Variants in KLRG2 observed in about 807,000 individuals in gnomAD.
The protein encoded by KLRG2 is killer cell lectin-like receptor subfamily G member 2.
A neutral mutation model predicts 35.4 loss-of-function variants in KLRG2; 39 were observed. That is an observed-to-expected ratio of 1.10 (90% CI 0.85 to 1.44). The LOEUF is 1.44. Ranked by LOEUF, KLRG2 falls within the 40% of genes most tolerant of loss-of-function variation. The probability of loss-of-function intolerance (pLI) is 0.00; values close to 1 mark genes in which losing one functional copy is unlikely to be tolerated. For synonymous variants in KLRG2, 283 were observed against 265.8 expected (o/e 1.06, Z -0.63); for missense variants, 632 against 570.9 (o/e 1.11, Z -1.09).
rs1026215573 is a variant in KLRG2 at position 139,483,626 on chromosome 7, T to C, written c.17A>G (p.Glu6Gly). ...CCCGGCTTGGCCTCCGGGCGCAGCC[T>C]CCCAAGACTCCTCCATCCCGCGCGC... MEESW[E>G]AAPGGQAGAE... Residue 6 changes from glutamate to glycine, a missense_variant, in exon 1 of 5, where the codon GAG becomes GGG. Transcript: ENST00000340940. The C allele has an allele frequency of 6.4e-7, 1 of 1,558,498 alleles. No individual in the cohort carries two copies. The highest frequency in any genetic ancestry group is 8.6e-7 in the Non-Finnish European group (1 of 1,161,402).
At chr7:139,478,917 A>G (rs1465598420) in intron 3 of KLRG2, among the ~76,000 whole-genome samples, 1 of 151,908 alleles carries the variant, frequency 6.6e-6, no homozygotes, top group Non-Finnish European at 1.5e-5. Context: ...TGACCCAGAG[A>G]CCAACGATTA....
the KLRG2 span, among the ~76,000 whole-genome samples, chr7:139,447,454 G>T: frequency 3.7e-3 from 545 of 147,558 alleles, 7 homozygotes; most frequent in African/African-American, 0.013. Context: ...AGGCTGGATT[G>T]CAGTGGTACG....
chr7:139,481,176 G>A (rs1796953560), intron 1 of KLRG2, among the ~76,000 whole-genome samples: 1 of 152,136 alleles, frequency 6.6e-6, no homozygotes, highest in African/African-American at 2.4e-5. Flanking sequence ...AGCTAGCAAA[G>A]GCAAGAAAAG....
Position 139,454,840 on chromosome 7 carries a change from TAATAATAA to T in KLRG2, c.1006-634_1006-627del, listed in dbSNP as rs1194029654. ...CTCAAAATAATAATAATAATAATAA[TAATAATAA>T]TAATAATAATAATAATAACACACGC... On this transcript the variant is annotated intron_variant, in intron 3 of 4. Coordinates refer to ENST00000340940, the MANE Select transcript of KLRG2 (RefSeq NM_198508.4). 3.0e-5 allele frequency among the ~76,000 whole-genome samples: 4 copies of T among 135,132 alleles called. No homozygotes were observed. The East Asian group carries it at 6.1e-4, about 21-fold the overall frequency. 88.7% of individuals were successfully genotyped at this position (135,132 alleles called of 152,430 possible). A position where few individuals can be genotyped will look rare whatever the true frequency, so the allele number is the denominator to read the frequency against.
chr7:139,482,842 AC>A, intron 1 of KLRG2, 43 bp downstream of exon 1: 1 of 1,361,212 alleles, frequency 7.3e-7, no homozygotes, highest in South Asian at 1.8e-5. Context: ...GGCTACGTCC[AC>A]CCGACCTGGC....
At chr7:139,470,041 AAC>A (rs1386641752) in intron 3 of KLRG2, among the ~76,000 whole-genome samples, 2 of 152,192 alleles carry the variant, frequency 1.3e-5, no homozygotes. Context: ...AGAGAAAAGA[AAC>A]AGGGCATGGG....
chr7:139,428,595 AAAGTTT>A, the KLRG2 span, among the ~76,000 whole-genome samples: 1 of 152,082 alleles, frequency 6.6e-6, no homozygotes, highest in Non-Finnish European at 1.5e-5. Context: ...TTTTGTTCAG[AAAGTTT>A]AATTTACTTG....
chr7:139,481,134 T>A (rs1796952772), intron 1 of KLRG2, among the ~76,000 whole-genome samples: 1 of 151,964 alleles, frequency 6.6e-6, no homozygotes, highest in Non-Finnish European at 1.5e-5. Context: ...GATTTTAATA[T>A]AGAGAAGGGC....
chr7:139,444,566 G>A, the KLRG2 span, among the ~76,000 whole-genome samples: 5 of 152,320 alleles, frequency 3.3e-5, no homozygotes, highest in African/African-American at 9.6e-5. Flanking sequence ...TCCATGCCAC[G>A]TGAGGACACA....
At chr7:139,462,380 A>AC (rs878953210) in intron 3 of KLRG2, among the ~76,000 whole-genome samples, 1 of 144,772 alleles carries the variant, frequency 6.9e-6, no homozygotes, top group African/African-American at 2.6e-5. Flanking sequence ...GGGGGCAAGC[A>AC]CCCCCCATCC....
chr7:139,433,735 A>G, the KLRG2 span, among the ~76,000 whole-genome samples: 1 of 149,724 alleles, frequency 6.7e-6, no homozygotes, highest in South Asian at 2.1e-4. Flanking sequence ...TCCGGGGTTC[A>G]AGTTATTCTT....
chr7:139,478,189 C>T (rs1796887292), intron 3 of KLRG2, among the ~76,000 whole-genome samples: 4 of 149,742 alleles, frequency 2.7e-5, no homozygotes, highest in African/African-American at 9.8e-5. Context: ...GGCAACATAG[C>T]AAGACTTGTG....
intron 3 of KLRG2, among the ~76,000 whole-genome samples, chr7:139,468,455 C>G (rs1796703249): frequency 6.6e-6 from 1 of 152,186 alleles, no homozygotes; most frequent in Non-Finnish European, 1.5e-5. Context: ...CCTTGTGACC[C>G]TTGCCCCTGC....
intron 3 of KLRG2, among the ~76,000 whole-genome samples, chr7:139,474,280 C>T (rs1296935364): frequency 6.6e-6 from 1 of 152,050 alleles, no homozygotes; most frequent in Non-Finnish European, 1.5e-5. Flanking sequence ...TCTGCCTTGG[C>T]CTCCCAATGT....
chr7:139,430,201 G>A, the KLRG2 span, among the ~76,000 whole-genome samples: 9 of 152,250 alleles, frequency 5.9e-5, no homozygotes, highest in African/African-American at 2.2e-4. Flanking sequence ...TCGGGAGTTC[G>A]AGACTGGCCT....
chr7:139,430,006 A>G, the KLRG2 span, among the ~76,000 whole-genome samples: 1 of 152,234 alleles, frequency 6.6e-6, no homozygotes, highest in Non-Finnish European at 1.5e-5. Flanking sequence ...GGGTTCCTCA[A>G]AATACGATCT....
intron 1 of KLRG2, 83 bp downstream of exon 1, chr7:139,482,803 G>T: frequency 1.6e-6 from 2 of 1,256,670 alleles, no homozygotes; most frequent in Non-Finnish European, 2.0e-6. Flanking sequence ...CTGCCCAGCG[G>T]TCCAGGGCTG....
At chr7:139,442,815 C>T in the KLRG2 span, among the ~76,000 whole-genome samples, 19 of 152,070 alleles carry the variant, frequency 1.2e-4, no homozygotes, top group African/African-American at 3.6e-4. Context: ...GGTGACAGAG[C>T]GAGACCCTGC....
rs1308058433 is a variant in KLRG2, at chr7:139,483,197, C to A, written c.446G>T (p.Arg149Leu). The A allele has an allele frequency of 2.6e-6, 4 of 1,514,874 alleles. No individual in the cohort carries two copies. The highest frequency in any genetic ancestry group is 4.2e-5 in the Admixed American group (2 of 47,594). The allele number at this position is 1,514,874 out of a possible 1,614,324, so 93.8% of individuals were successfully genotyped here. The change falls in exon 1 of 5, where the codon CGC becomes CTC. Residue 149 changes from arginine to leucine, a missense_variant. By Grantham distance (102) the Arg-to-Leu change is moderately radical. Transcript: ENST00000340940. ...SSTPSPRPST[R>L]FLKVPVPESP... Reference sequence around the variant, plus strand: ...CTCGGGCACCGGCACCTTGAGGAAGCGCGTGGAGGGCCTGGGCGATGGCGT... The same window carrying A: ...CTCGGGCACCGGCACCTTGAGGAAGAGCGTGGAGGGCCTGGGCGATGGCGT...
Sources: allele counts gnomAD v4.1 joint callset (sites outside exome capture counted in the v4.1 genomes callset), GRCh38; gene constraint gnomAD v4.1.1; transcripts MANE v1.5; gene names NCBI Gene and HGNC (gene_info 2026-07-23, HGNC 2026-07-21).